The following RBFOX1 variants were observed in gnomAD, a reference collection of about 807,000 sequenced individuals.
RBFOX1 encodes RNA binding fox-1 homolog 1.
RBFOX1 carries 8 observed loss-of-function variants against 57.7 expected under a neutral mutation model. The observed-to-expected ratio is 0.14, with a 90% CI of 0.08 to 0.25. The LOEUF (loss-of-function observed/expected upper bound fraction) is 0.25. Ranked by LOEUF, RBFOX1 falls within the 10% of genes least tolerant of loss-of-function variation. The pLI, the probability that RBFOX1 is intolerant of heterozygous loss-of-function variation, is 1.00. For missense variants in RBFOX1, 611 were observed against 548.5 expected (o/e 1.11, Z -1.14); for synonymous variants, 326 against 222.4 (o/e 1.47, Z -4.15).
intron 2 of RBFOX1, among the ~76,000 whole-genome samples, chr16:6,342,890 T>C (rs2084784299): frequency 6.6e-6 from 1 of 152,158 alleles, no homozygotes; most frequent in Non-Finnish European, 1.5e-5. Context: ...GACACTTGTT[T>C]CTAATGAGAA....
chr16:5,533,025 T>A lies in RBFOX1; in HGVS notation c.258+65771T>A, dbSNP rs149137920. Among the ~76,000 whole-genome samples the A allele has an allele frequency of 8.5e-5, 13 of 152,240 alleles. No individual in the cohort carries two copies. The South Asian group carries it at 1.0e-3, about 12-fold the overall frequency. On this transcript the variant is annotated intron_variant, in intron 2 of 2. Coordinates refer to the RBFOX1 transcript ENST00000585867. The stretch of plus-strand genomic sequence containing the variant: ...CTCCTAATTTTTAAAAGCATTGCAA[T>A]GAGTTATATGAGAATGCATTGGAGG...
At chr16:6,288,209 G>A (rs2077088963) in intron 1 of RBFOX1, among the ~76,000 whole-genome samples, 1 of 147,280 alleles carries the variant, frequency 6.8e-6, no homozygotes, top group Admixed American at 7.0e-5. Flanking sequence ...AATGTTTGTG[G>A]TCAACAATGC....
intron 4 of RBFOX1, among the ~76,000 whole-genome samples, chr16:5,908,629 T>C (rs1442207420): frequency 1.3e-5 from 2 of 151,902 alleles, no homozygotes; most frequent in Admixed American, 6.6e-5. Flanking sequence ...CAGAGATTTA[T>C]TATTAATTAC....
intron 3 of RBFOX1, among the ~76,000 whole-genome samples, chr16:7,010,754 A>G (rs1031461879): frequency 5.3e-5 from 8 of 152,024 alleles, no homozygotes; most frequent in Non-Finnish European, 8.8e-5. Flanking sequence ...TAGTAGAGAC[A>G]TGGTTTCTCC....
chr16:5,503,390 A>G (rs1301697210), intron 2 of RBFOX1, among the ~76,000 whole-genome samples: 3 of 152,190 alleles, frequency 2.0e-5, no homozygotes, highest in Admixed American at 1.3e-4. Flanking sequence ...TTCACACACC[A>G]TATAATTCAT....
intron 2 of RBFOX1, among the ~76,000 whole-genome samples, chr16:6,395,208 T>A (rs1432631453): frequency 1.3e-5 from 2 of 152,200 alleles, no homozygotes; most frequent in African/African-American, 2.4e-5. Flanking sequence ...AAGACAGGAT[T>A]TTTTTTGTCA....
At chr16:6,814,582 C>T (rs35334131) in intron 3 of RBFOX1, among the ~76,000 whole-genome samples, 7,945 of 152,018 alleles carry the variant, frequency 0.052, 281 homozygotes, top group Non-Finnish European at 0.078. Flanking sequence ...ATGATAGATG[C>T]GAATCACAGA....
intron 2 of RBFOX1, among the ~76,000 whole-genome samples, chr16:6,396,231 G>A (rs545234775): frequency 6.6e-6 from 1 of 152,154 alleles, no homozygotes; most frequent in South Asian, 2.1e-4. Flanking sequence ...CCATAAGTAG[G>A]CAGAAATTGA....
At chr16:6,191,417 T>C (rs2097141020) in intron 1 of RBFOX1, among the ~76,000 whole-genome samples, 2 of 152,254 alleles carry the variant, frequency 1.3e-5, no homozygotes, top group South Asian at 4.2e-4. Flanking sequence ...TGAGTCACTC[T>C]TGAGAATTTA....
At chr16:7,491,525 C>T (rs2066973993) in intron 4 of RBFOX1, among the ~76,000 whole-genome samples, 1 of 151,736 alleles carries the variant, frequency 6.6e-6, no homozygotes. Flanking sequence ...CTTGGCCCTT[C>T]CCTGCTGATC....
chr16:7,140,092 A>C (rs2073257913), intron 4 of RBFOX1, among the ~76,000 whole-genome samples: 1 of 147,512 alleles, frequency 6.8e-6, no homozygotes, highest in Admixed American at 6.8e-5. Flanking sequence ...GTATTTATGG[A>C]CTGTTCTCTC....
At chr16:6,614,737 G>A (rs890853255) in intron 2 of RBFOX1, among the ~76,000 whole-genome samples, 7 of 152,016 alleles carry the variant, frequency 4.6e-5, no homozygotes, top group African/African-American at 1.5e-4. Context: ...CTTTATCTTC[G>A]TGTGGCATTT....
At chr16:6,235,801 A>C (rs1035070582) in intron 1 of RBFOX1, among the ~76,000 whole-genome samples, 1 of 152,118 alleles carries the variant, frequency 6.6e-6, no homozygotes, top group African/African-American at 2.4e-5. Flanking sequence ...GTGGGAGCTA[A>C]GCTACGAGGA....
chr16:5,748,087 T>C (rs948006065), intron 3 of RBFOX1, among the ~76,000 whole-genome samples: 2 of 152,216 alleles, frequency 1.3e-5, no homozygotes, highest in African/African-American at 4.8e-5. Flanking sequence ...TTTGTTCTCA[T>C]TGGTTTCAAA....
chr16:6,032,790 TTA>T (rs1468245225), intron 1 of RBFOX1, among the ~76,000 whole-genome samples: 3 of 152,136 alleles, frequency 2.0e-5, no homozygotes, highest in Non-Finnish European at 2.9e-5. Flanking sequence ...CCAGCAGAAT[TTA>T]TGTCATAAGG....
intron 4 of RBFOX1, among the ~76,000 whole-genome samples, chr16:7,180,292 G>T (rs1481195305): frequency 6.6e-6 from 1 of 152,078 alleles, no homozygotes; most frequent in Non-Finnish European, 1.5e-5. Flanking sequence ...TCTAGGGAGG[G>T]TGCTATAATT....
chr16:5,533,859 C>G (rs1418448431), intron 2 of RBFOX1, among the ~76,000 whole-genome samples: 2 of 152,080 alleles, frequency 1.3e-5, no homozygotes, highest in Admixed American at 1.3e-4. Flanking sequence ...TACCTTCTCC[C>G]AAAGAGAGGT....
At chr16:6,687,071 C>T (rs779941242) in intron 3 of RBFOX1, among the ~76,000 whole-genome samples, 2 of 152,212 alleles carry the variant, frequency 1.3e-5, no homozygotes, top group African/African-American at 2.4e-5. Context: ...CAGCAGGTAT[C>T]TAGTTCCTGA....
chr16:6,841,599 C>T (rs2093466699), intron 3 of RBFOX1, among the ~76,000 whole-genome samples: 1 of 152,106 alleles, frequency 6.6e-6, no homozygotes, highest in African/African-American at 2.4e-5. Context: ...AGTTGAAGAG[C>T]TAATTTTACT....
Sources: allele counts gnomAD v4.1 joint callset (sites outside exome capture counted in the v4.1 genomes callset), GRCh38; gene constraint gnomAD v4.1.1; transcripts MANE v1.5; gene names NCBI Gene and HGNC (gene_info 2026-07-23, HGNC 2026-07-21).